The following ABLIM1 variants were observed in gnomAD, a reference collection of about 807,000 sequenced individuals.
ABLIM1 encodes the protein actin-binding LIM protein 1.
Under a neutral mutation model 107.0 loss-of-function variants are expected in ABLIM1, and 40 were observed. That is an observed-to-expected ratio of 0.37 (90% confidence interval 0.29 to 0.49). The LOEUF is 0.49. Ranked by LOEUF, ABLIM1 falls within the 20% of genes least tolerant of loss-of-function variation. ABLIM1 has a pLI of 0.97. For synonymous variants in ABLIM1, 357 were observed against 357.3 expected, an observed-to-expected ratio of 1.00 and a Z score of 0.01; for missense variants, 857 against 1,008.5, an observed-to-expected ratio of 0.85 and a Z score of 2.04.
At chr10:114,711,134 C>T (rs1367426811) in intron 1 of ABLIM1, among the ~76,000 whole-genome samples, 7 of 152,236 alleles carry the variant, frequency 4.6e-5, no homozygotes. Context: ...CTATCAATCA[C>T]AAGAACAAAA....
At chr10:114,793,766 C>T in the ABLIM1 span, among the ~76,000 whole-genome samples, 16 of 152,288 alleles carry the variant, frequency 1.1e-4, no homozygotes, top group African/African-American at 3.8e-4. Context: ...GCCAAACTTT[C>T]ACAGAGCTGT....
intron 6 of ABLIM1, among the ~76,000 whole-genome samples, chr10:114,509,429 C>T (rs189742785): frequency 7.9e-5 from 12 of 152,264 alleles, no homozygotes; most frequent in Non-Finnish European, 1.6e-4. Flanking sequence ...CTCTTATTAT[C>T]CTTCCTCCCG....
At chr10:114,617,624 T>C (rs2077212833) in intron 1 of ABLIM1, among the ~76,000 whole-genome samples, 1 of 152,106 alleles carries the variant, frequency 6.6e-6, no homozygotes, top group South Asian at 2.1e-4. Flanking sequence ...GGCCATTCCT[T>C]TGGCTCTGGG....
At chr10:114,513,703 C>A (rs567023918) in intron 6 of ABLIM1, among the ~76,000 whole-genome samples, 1 of 152,262 alleles carries the variant, frequency 6.6e-6, no homozygotes, top group South Asian at 2.1e-4. Context: ...AATGAAAGAA[C>A]CACCAAATGA....
At chr10:114,709,748 C>T (rs1164438319) in intron 1 of ABLIM1, among the ~76,000 whole-genome samples, 2 of 152,062 alleles carry the variant, frequency 1.3e-5, no homozygotes, top group Non-Finnish European at 2.9e-5. Flanking sequence ...ACAGGTACGT[C>T]AGAACATGTT....
chr10:114,483,744 C>CAGGCACAGAATGTACAGGCACAA (rs1265605373), intron 8 of ABLIM1, among the ~76,000 whole-genome samples: 2 of 152,212 alleles, frequency 1.3e-5, no homozygotes. Context: ...GCAGTTCTGA[C>CAGGCACAGAATGTACAGGCACAA]AGGCACAGAA....
Position 114,473,884 on chromosome 10 carries a change from T to C in ABLIM1, c.1114A>G (p.Ile372Val), listed in dbSNP as rs1428428259. The C allele has an allele frequency of 1.9e-6, 3 of 1,610,312 alleles. No individual in the cohort carries two copies. The highest frequency in any genetic ancestry group is 1.3e-5 in the African/African-American group (1 of 74,834). Residue 372 changes from isoleucine to valine, a missense_variant, in exon 9 of 23, where the codon ATC becomes GTC. Transcript: ENST00000533213. ...TTCCAGAAGTAGATACTTACATAGA[T>C]AGTATGACCTGGTGAGCCAGGAATA... ...SSIPGSPGHT[I>V]YAKVDNEILD...
chr10:114,548,246 G>A (rs2067616695), intron 4 of ABLIM1, among the ~76,000 whole-genome samples: 1 of 152,074 alleles, frequency 6.6e-6, no homozygotes, highest in African/African-American at 2.4e-5. Flanking sequence ...TTTGTAAATG[G>A]GACCCTACTT....
chr10:114,478,906 A>G (rs549958047), intron 8 of ABLIM1, among the ~76,000 whole-genome samples: 1 of 152,128 alleles, frequency 6.6e-6, no homozygotes, highest in Admixed American at 6.5e-5. Flanking sequence ...TTTTCTTACA[A>G]TGGCCCAATT....
At chr10:114,450,527 C>T (rs2061707523) in intron 14 of ABLIM1, among the ~76,000 whole-genome samples, 1 of 149,340 alleles carries the variant, frequency 6.7e-6, no homozygotes, top group African/African-American at 2.5e-5. Flanking sequence ...TCTCTGCCTC[C>T]TGAATTCAAG....
At chr10:114,687,431 A>G (rs2080967866), upstream of ABLIM1, among the ~76,000 whole-genome samples, 1 of 152,254 alleles carries the variant, frequency 6.6e-6, no homozygotes, top group African/African-American at 2.4e-5. Context: ...AGCAGAGGAT[A>G]TATAAGGAGA....
In ABLIM1 at chr10:114,561,221, G is replaced by A. The variant is rs556287332; in HGVS notation, c.673+10076C>T. Among the ~76,000 whole-genome samples the A allele has an allele frequency of 2.0e-5, 3 of 152,278 alleles. No individual in the cohort carries two copies. The East Asian group carries it at 5.8e-4, about 29-fold the overall frequency. ...AGAGGAAATCATACTTGAGTTCTACGTCAGCTTCTCAGATTCATACTCATT... is the reference window on the plus strand; with the variant it reads ...AGAGGAAATCATACTTGAGTTCTACATCAGCTTCTCAGATTCATACTCATT... On this transcript the variant is annotated intron_variant, in intron 4 of 22. Transcript: ENST00000533213.
In ABLIM1 at chr10:114,431,965, CAG is replaced by C. The variant is rs1431005503; in HGVS notation, c.*4293_*4294del. The stretch of plus-strand genomic sequence containing the variant: ...CTCCCACTGCTTCCTGGGCCGCAAA[CAG>C]AAAAATAAACAGTGATTAAAAAAAA... On this transcript the variant is annotated 3_prime_UTR_variant, in exon 23 of 23. Transcript: ENST00000533213. The C allele has an allele frequency of 7.7e-6, 1 of 130,708 alleles. No homozygotes were observed. Among genetic ancestry groups the C allele is most frequent in the Non-Finnish European group, 1.7e-5 (1 of 60,370 alleles). 8.1% of individuals were successfully genotyped at this position (130,708 alleles called of 1,614,324 possible). A position where few individuals can be genotyped will look rare whatever the true frequency, so the allele number is the denominator to read the frequency against.
chr10:114,701,124 A>G (rs1266891252), intron 1 of ABLIM1, among the ~76,000 whole-genome samples: 2 of 152,202 alleles, frequency 1.3e-5, no homozygotes, highest in African/African-American at 4.8e-5. Flanking sequence ...ACAGAGGGGT[A>G]GAGAGACTTG....
the ABLIM1 span, among the ~76,000 whole-genome samples, chr10:114,787,942 G>A: frequency 6.9e-6 from 1 of 144,356 alleles, no homozygotes; most frequent in East Asian, 2.1e-4. Flanking sequence ...TGTCTGTGTA[G>A]AAAGAGGTAG....
At chr10:114,576,222 G>A (rs2072518281) in intron 2 of ABLIM1, among the ~76,000 whole-genome samples, 1 of 152,192 alleles carries the variant, frequency 6.6e-6, no homozygotes, top group African/African-American at 2.4e-5. Flanking sequence ...TCTGGATTTT[G>A]GCATCTCCTT....
intron 1 of ABLIM1, among the ~76,000 whole-genome samples, chr10:114,700,436 G>T (rs2081284594): frequency 6.6e-6 from 1 of 151,432 alleles, no homozygotes; most frequent in Non-Finnish European, 1.5e-5. Context: ...TTGACAAACT[G>T]GTTTTAAAAT....
intron 1 of ABLIM1, among the ~76,000 whole-genome samples, chr10:114,704,621 G>A (rs2081383350): frequency 6.9e-6 from 1 of 145,224 alleles, no homozygotes; most frequent in Admixed American, 7.1e-5. Context: ...GCCTGCCTTT[G>A]GTCATTCTAA....
At chr10:114,774,729 C>A in the ABLIM1 span, among the ~76,000 whole-genome samples, 2 of 152,094 alleles carry the variant, frequency 1.3e-5, no homozygotes, top group Non-Finnish European at 2.9e-5. Context: ...CTAACCTAGA[C>A]ATGAGGGCTA....
Sources: allele counts gnomAD v4.1 joint callset (sites outside exome capture counted in the v4.1 genomes callset), GRCh38; gene constraint gnomAD v4.1.1; transcripts MANE v1.5; gene names NCBI Gene and HGNC (gene_info 2026-07-23, HGNC 2026-07-21).